Variants in SGCG observed in about 807,000 individuals in gnomAD.
SGCG encodes the protein sarcoglycan gamma, also known as gamma-sarcoglycan.
Under a neutral mutation model 29.3 loss-of-function variants are expected in SGCG, and 26 were observed. The observed-to-expected ratio is 0.89, with a 90% CI of 0.65 to 1.23. SGCG has a LOEUF of 1.23. SGCG is among the 50% of genes most tolerant of loss of function. SGCG has a pLI of 0.00. For missense variants in SGCG, 353 were observed against 356.0 expected (o/e 0.99, Z 0.07); for synonymous variants, 145 against 129.7 (o/e 1.12, Z -0.80).
intron 5 of SGCG, among the ~76,000 whole-genome samples, chr13:23,293,522 G>A (rs936960461): frequency 8.5e-5 from 13 of 152,172 alleles, no homozygotes; most frequent in African/African-American, 1.2e-4. Flanking sequence ...TGGAGAAAAT[G>A]TGAAGGTACT....
At chr13:23,269,874 G>GTTTTTTTTTTTT (rs796558128) in intron 4 of SGCG, among the ~76,000 whole-genome samples, 1 of 97,510 alleles carries the variant, frequency 1.0e-5, no homozygotes, top group African/African-American at 3.2e-5. Flanking sequence ...TGTTTTTTTT[G>GTTTTTTTTTTTT]TTTTTTTTGT....
intron 4 of SGCG, among the ~76,000 whole-genome samples, chr13:23,262,538 TAGAC>T (rs1382408997): frequency 6.6e-6 from 1 of 151,920 alleles, no homozygotes; most frequent in Admixed American, 6.6e-5. Flanking sequence ...AGAAAAGAGA[TAGAC>T]AGCAAAACAA....
intron 6 of SGCG, among the ~76,000 whole-genome samples, chr13:23,315,705 A>G (rs757354916): frequency 9.2e-5 from 14 of 152,180 alleles, no homozygotes; most frequent in Non-Finnish European, 1.5e-4. Flanking sequence ...GGAAGGAGAA[A>G]TGGCCAGATA....
chr13:23,262,219 A>AATGGAT (rs1880467077), intron 4 of SGCG, among the ~76,000 whole-genome samples: 1 of 152,072 alleles, frequency 6.6e-6, no homozygotes, highest in South Asian at 2.1e-4. Flanking sequence ...AGATTAGCAA[A>AATGGAT]ATGGATTAAA....
intron 1 of SGCG, among the ~76,000 whole-genome samples, chr13:23,194,910 C>T (rs1877426278): frequency 6.6e-6 from 1 of 152,080 alleles, no homozygotes; most frequent in Non-Finnish European, 1.5e-5. Flanking sequence ...CAGTAGGTGC[C>T]CACTGTAATA....
intron 2 of SGCG, among the ~76,000 whole-genome samples, chr13:23,223,869 G>A (rs761480215): frequency 1.3e-5 from 2 of 152,282 alleles, no homozygotes; most frequent in South Asian, 2.1e-4. Flanking sequence ...GGGAGGCTGA[G>A]GCAAGAGAAT....
intron 4 of SGCG, among the ~76,000 whole-genome samples, chr13:23,257,674 T>C (rs1259339928): frequency 2.0e-5 from 3 of 152,174 alleles, no homozygotes; most frequent in African/African-American, 7.2e-5. Flanking sequence ...GTTTTTATGG[T>C]TTTAGGTCTA....
chr13:23,279,358 G>A lies in SGCG; in HGVS notation c.386-1G>A, dbSNP rs913248720. On this transcript the variant is annotated splice_acceptor_variant, in intron 4 of 7. Transcript: ENST00000218867. LOFTEE classifies it high-confidence loss of function. The stretch of plus-strand genomic sequence containing the variant: ...TATAATAAACTGTTTTAATTCTTCA[G>A]GTCCCAAAATGGTAGAAGTCCAGAA... 2.5e-6 allele frequency: 4 copies of A among 1,612,218 alleles called. No individual in the cohort carries two copies. The African/African-American group carries it at 5.3e-5, about 22-fold the overall frequency.
At chr13:23,312,434 T>C (rs1456859383) in intron 6 of SGCG, among the ~76,000 whole-genome samples, 1 of 152,204 alleles carries the variant, frequency 6.6e-6, no homozygotes, top group African/African-American at 2.4e-5. Context: ...TTTAAAAACA[T>C]ATTGTTAAAT....
chr13:23,192,481 C>T (rs1877312445), intron 1 of SGCG, among the ~76,000 whole-genome samples: 1 of 152,270 alleles, frequency 6.6e-6, no homozygotes, highest in East Asian at 1.9e-4. Flanking sequence ...GCAACCTCCA[C>T]CTCTGGAGTT....
intron 1 of SGCG, among the ~76,000 whole-genome samples, chr13:23,190,122 T>A (rs1410528317): frequency 6.8e-6 from 1 of 147,828 alleles, no homozygotes; most frequent in African/African-American, 2.4e-5. Flanking sequence ...TTTAGTATAA[T>A]GGCTCTATTT....
At chr13:23,165,510 T>C in the SGCG span, among the ~76,000 whole-genome samples, 1 of 149,734 alleles carries the variant, frequency 6.7e-6, no homozygotes, top group Non-Finnish European at 1.5e-5. Context: ...AAAATACTCA[T>C]TTCAGTAGGA....
chr13:23,277,291 C>T (rs17315474), intron 4 of SGCG, among the ~76,000 whole-genome samples: 12,941 of 151,932 alleles, frequency 0.085, 721 homozygotes, highest in South Asian at 0.15. Context: ...CCATTAAATG[C>T]AAATCAGTGT....
chr13:23,186,335 C>T (rs970767528), intron 1 of SGCG, among the ~76,000 whole-genome samples: 3 of 152,190 alleles, frequency 2.0e-5, no homozygotes, highest in African/African-American at 7.2e-5. Context: ...TCTTCCCAGA[C>T]AATTCTTGTC....
chr13:23,278,837 G>A (rs1881192110), intron 4 of SGCG, among the ~76,000 whole-genome samples: 1 of 152,200 alleles, frequency 6.6e-6, no homozygotes, highest in Admixed American at 6.5e-5. Flanking sequence ...ACAGGAAGGT[G>A]TTCTTCCACA....
chr13:23,178,388 G>A (rs552762907), upstream of SGCG, among the ~76,000 whole-genome samples: 3 of 152,310 alleles, frequency 2.0e-5, no homozygotes, highest in Non-Finnish European at 2.9e-5. Context: ...GGATGGCATC[G>A]TCAACCGAGG....
At chr13:23,302,042 C>T (rs546835) in intron 6 of SGCG, among the ~76,000 whole-genome samples, 109,679 of 152,050 alleles carry the variant, frequency 0.72, 41,515 homozygotes, top group East Asian at 0.89. Context: ...CTTTTTAAAA[C>T]GTACGGATGG....
At chr13:23,202,248 T>C (rs1262988943) in intron 1 of SGCG, among the ~76,000 whole-genome samples, 1 of 152,132 alleles carries the variant, frequency 6.6e-6, no homozygotes, top group African/African-American at 2.4e-5. Context: ...ATCAGAAGGT[T>C]TGGAAAAATA....
At chr13:23,200,700 T>C (rs1265460826) in intron 1 of SGCG, among the ~76,000 whole-genome samples, 1 of 152,056 alleles carries the variant, frequency 6.6e-6, no homozygotes, top group African/African-American at 2.4e-5. Context: ...TGGGGAGCTC[T>C]GTGGTGGTGT....
Sources: allele counts gnomAD v4.1 joint callset (sites outside exome capture counted in the v4.1 genomes callset), GRCh38; gene constraint gnomAD v4.1.1; transcripts MANE v1.5; gene names NCBI Gene and HGNC (gene_info 2026-07-23, HGNC 2026-07-21).